CHMP4C: variants seen among roughly 807,000 people sequenced by gnomAD.
CHMP4C encodes charged multivesicular body protein 4C, also known as SNF7 homolog associated with Alix 3.
Under a neutral mutation model 29.0 loss-of-function variants are expected in CHMP4C, and 28 were observed. The observed-to-expected ratio is 0.97, with a 90% CI of 0.72 to 1.32. The LOEUF is 1.32. CHMP4C is among the 40% of genes most tolerant of loss of function. The probability of loss-of-function intolerance (pLI) is 0.00; values close to 1 mark genes in which losing one functional copy is unlikely to be tolerated. For synonymous variants in CHMP4C, 106 were observed against 102.4 expected (o/e 1.04, Z -0.21); for missense variants, 291 against 281.0 (o/e 1.04, Z -0.25).
chr8:81,737,796 G>T (rs147000931), intron 1 of CHMP4C, among the ~76,000 whole-genome samples: 55 of 152,308 alleles, frequency 3.6e-4, no homozygotes, highest in African/African-American at 1.3e-3. Context: ...ATTCAGTGCA[G>T]TGCTTTATAA....
At chr8:81,734,434 G>A (rs186186134) in intron 1 of CHMP4C, among the ~76,000 whole-genome samples, 1 of 152,146 alleles carries the variant, frequency 6.6e-6, no homozygotes, top group Non-Finnish European at 1.5e-5. Flanking sequence ...AGGTTCAAGC[G>A]ATTCTCCTGC....
intron 1 of CHMP4C, among the ~76,000 whole-genome samples, chr8:81,744,292 G>A (rs1401729933): frequency 6.6e-6 from 1 of 152,192 alleles, no homozygotes; most frequent in Non-Finnish European, 1.5e-5. Context: ...ATCTCAGACA[G>A]AAACTTTTCA....
At chr8:81,742,514 A>G (rs1276978780) in intron 1 of CHMP4C, among the ~76,000 whole-genome samples, 6 of 152,214 alleles carry the variant, frequency 3.9e-5, no homozygotes, top group Non-Finnish European at 8.8e-5. Flanking sequence ...CTAAACATTT[A>G]AGAAGTACTT....
At chr8:81,750,363 G>A (rs532736231) in intron 1 of CHMP4C, among the ~76,000 whole-genome samples, 1 of 152,090 alleles carries the variant, frequency 6.6e-6, no homozygotes, top group East Asian at 1.9e-4. Flanking sequence ...ACTTTGGGAG[G>A]CCAAGGGGAG....
intron 3 of CHMP4C, among the ~76,000 whole-genome samples, chr8:81,756,195 C>A (rs1808969900): frequency 1.3e-5 from 2 of 152,254 alleles, no homozygotes; most frequent in East Asian, 3.9e-4. Context: ...GGTATCAATA[C>A]CTTTTAAAAA....
In CHMP4C at chr8:81,758,674, C is replaced by T; in HGVS notation, c.*130C>T. 1 of 695,126 alleles carries T rather than the reference C, an allele frequency of 1.4e-6. No homozygotes were observed. The highest frequency in any genetic ancestry group is 1.9e-5 in the South Asian group (1 of 52,226). 43.1% of individuals were successfully genotyped at this position (695,126 alleles called of 1,614,324 possible). On this transcript the variant is annotated 3_prime_UTR_variant, in exon 5 of 5. Transcript: ENST00000297265. ...TTGAATGAATAATTGTGTTTTAAGC[C>T]TCCTAAGTAAAAGTAAAAAAGGAGT...
At chr8:81,747,509 A>G (rs927981575) in intron 1 of CHMP4C, among the ~76,000 whole-genome samples, 1 of 152,066 alleles carries the variant, frequency 6.6e-6, no homozygotes, top group Non-Finnish European at 1.5e-5. Flanking sequence ...GCTTCATAGG[A>G]TACTCTGCTG....
rs1808766922 is a variant in CHMP4C, at chr8:81,741,900, A to T, written c.190+9084A>T. The stretch of plus-strand genomic sequence containing the variant: ...TTTAAAAGTTTGCAGAAGAAGAAAA[A>T]ATAAAATTAAAACAAACAAAAGTCT... On this transcript the variant is annotated intron_variant, in intron 1 of 4. Transcript: ENST00000297265. 2.0e-5 allele frequency among the ~76,000 whole-genome samples: 3 copies of T among 152,202 alleles called. No homozygotes were observed. The South Asian group carries it at 6.2e-4, about 31-fold the overall frequency.
At chr8:81,741,600 G>C (rs7842738) in intron 1 of CHMP4C, among the ~76,000 whole-genome samples, 75,395 of 151,918 alleles carry the variant, frequency 0.5, 19,448 homozygotes, top group Admixed American at 0.59. Context: ...TGGCTTTGGG[G>C]GTCAGCTTTG....
chr8:81,741,339 G>A (rs1808759786), intron 1 of CHMP4C, among the ~76,000 whole-genome samples: 1 of 152,086 alleles, frequency 6.6e-6, no homozygotes, highest in African/African-American at 2.4e-5. Context: ...TCAAAATAAG[G>A]TAGAATAAGT....
rs750999031 is a variant in CHMP4C at position 81,753,278 on chromosome 8, C to T, written c.368+37C>T. 3.9e-6 allele frequency: 6 copies of T among 1,525,464 alleles called. No individual in the cohort carries two copies. In the South Asian group the frequency reaches 6.5e-5, roughly 17 times the overall value. 94.5% of individuals were successfully genotyped at this position (1,525,464 alleles called of 1,614,324 possible). A position where few individuals can be genotyped will look rare whatever the true frequency, so the allele number is the denominator to read the frequency against. ...TGGTCTCCCTCTGAATCATAAATTCCCTCAGTGTTGGGAAGAACCTTTGGA... is the reference window on the plus strand; with the variant it reads ...TGGTCTCCCTCTGAATCATAAATTCTCTCAGTGTTGGGAAGAACCTTTGGA... On this transcript the variant is annotated intron_variant, in intron 2 of 4. Coordinates refer to ENST00000297265, the MANE Select transcript of CHMP4C (RefSeq NM_152284.4).
rs1264392230 is a variant in CHMP4C, at chr8:81,738,342, C to A, written c.190+5526C>A. Among the ~76,000 whole-genome samples, 3 of 152,206 alleles carry A rather than the reference C, an allele frequency of 2.0e-5. No homozygotes were observed. In the East Asian group the frequency reaches 5.8e-4, roughly 29 times the overall value. On this transcript the variant is annotated intron_variant, in intron 1 of 4. Coordinates refer to ENST00000297265, the MANE Select transcript of CHMP4C (RefSeq NM_152284.4). ...AAAACTGGGTTCAGAAGCTGTTCTA[C>A]CTCTTCATCAGGTGTCTGTTTGGAG... is the stretch of plus-strand genomic sequence containing the variant.
At position 81,759,007 on chromosome 8, in the gene CHMP4C, T is replaced by TA. The variant is rs1301128159; in HGVS notation, c.*475dup. The TA allele has an allele frequency of 0.016, 722 of 45,010 alleles. 5 individuals carry two copies. Among genetic ancestry groups the TA allele is most frequent in the East Asian group, 0.13 (142 of 1,066 alleles). The allele number at this position is 45,010 out of a possible 1,614,324, so 2.8% of individuals were successfully genotyped here. A position where few individuals can be genotyped will look rare whatever the true frequency, so the allele number is the denominator to read the frequency against. ...CAGAGGGAGACTCCGTCTCAAAAAC[T>TA]AAAAAAAAAAAATACATTTAGTATA... On this transcript the variant is annotated 3_prime_UTR_variant, in exon 5 of 5. Transcript: ENST00000297265.
chr8:81,742,229 A>G (rs1808769797), intron 1 of CHMP4C, among the ~76,000 whole-genome samples: 1 of 152,166 alleles, frequency 6.6e-6, no homozygotes, highest in Non-Finnish European at 1.5e-5. Flanking sequence ...TCTCTTCCCC[A>G]ATCTAAGAAT....
intron 1 of CHMP4C, among the ~76,000 whole-genome samples, chr8:81,750,942 A>T (rs923430033): frequency 5.3e-5 from 8 of 152,190 alleles, no homozygotes; most frequent in Admixed American, 3.3e-4. Context: ...TGTAAAAGAA[A>T]GTCTTTAACA....
At chr8:81,749,678 C>T (rs1227710230) in intron 1 of CHMP4C, among the ~76,000 whole-genome samples, 1 of 152,158 alleles carries the variant, frequency 6.6e-6, no homozygotes, top group Admixed American at 6.6e-5. Flanking sequence ...GATGCATGAC[C>T]TGTACTCATT....
In CHMP4C at chr8:81,758,125, C is replaced by G; in HGVS notation, c.484-17C>G. 1 of 1,611,866 alleles carries G rather than the reference C, an allele frequency of 6.2e-7. No homozygotes were observed. The highest frequency in any genetic ancestry group is 8.5e-7 in the Non-Finnish European group (1 of 1,178,612). ...TGAAACGTTAACTCCATAATTCTTCCTTTCTCCTGTGTTCAGGATGAGTTG... is the reference window on the plus strand; with the variant it reads ...TGAAACGTTAACTCCATAATTCTTCGTTTCTCCTGTGTTCAGGATGAGTTG... On this transcript the variant is annotated splice_polypyrimidine_tract_variant and intron_variant, in intron 3 of 4. Transcript: ENST00000297265.
intron 1 of CHMP4C, among the ~76,000 whole-genome samples, chr8:81,742,094 G>C (rs1808768862): frequency 6.6e-6 from 1 of 152,152 alleles, no homozygotes; most frequent in Non-Finnish European, 1.5e-5. Context: ...AGCAGTAAGA[G>C]CTATTATACC....
At position 81,732,475 on chromosome 8, in the gene CHMP4C, C is replaced by T. The variant is rs1345459848; in HGVS notation, c.-152C>T. On this transcript the variant is annotated 5_prime_UTR_variant, in exon 1 of 5. Coordinates refer to ENST00000297265, the MANE Select transcript of CHMP4C (RefSeq NM_152284.4). ...CCAGGAAATGCCCTGGAGTGTGTGTCACCTGTCCAGGACGACTTGTTGATT... is the reference window on the plus strand; with the variant it reads ...CCAGGAAATGCCCTGGAGTGTGTGTTACCTGTCCAGGACGACTTGTTGATT... 1.8e-6 allele frequency: 1 copy of T among 555,536 alleles called. No homozygotes were observed. The highest frequency in any genetic ancestry group is 3.2e-6 in the Non-Finnish European group (1 of 312,252). 34.4% of individuals were successfully genotyped at this position (555,536 alleles called of 1,614,324 possible).
Sources: gnomAD v4.1 joint callset for allele counts (sites outside exome capture counted in the v4.1 genomes callset) on GRCh38, gnomAD v4.1.1 for gene constraint, MANE v1.5 for transcripts, NCBI Gene and HGNC (gene_info 2026-07-23, HGNC 2026-07-21) for gene names.